TMEM117: variants seen among roughly 807,000 people sequenced by gnomAD.
TMEM117 encodes the protein transmembrane protein 117.
In TMEM117, 27 loss-of-function variants were observed where a neutral mutation model predicts 52.4. That is an observed-to-expected ratio of 0.51 (90% CI 0.38 to 0.71). The LOEUF (loss-of-function observed/expected upper bound fraction) is 0.71, where lower values mean the gene tolerates loss of function less well. Among genes scored for constraint, TMEM117 ranks in the 30% least tolerant of loss-of-function variants. TMEM117 has a pLI of 0.00. For synonymous variants in TMEM117, 215 were observed against 206.3 expected, an observed-to-expected ratio of 1.04 and a Z score of -0.36; for missense variants, 556 against 630.5, an observed-to-expected ratio of 0.88 and a Z score of 1.26.
chr12:43,844,612 T>A lies in TMEM117; in HGVS notation c.-28-12T>A. 1 of 1,589,302 alleles carries A rather than the reference T, an allele frequency of 6.3e-7. No individual in the cohort carries two copies. The highest frequency in any genetic ancestry group is 8.5e-7 in the Non-Finnish European group (1 of 1,169,860). On this transcript the variant is annotated splice_polypyrimidine_tract_variant and intron_variant, in intron 1 of 7. Transcript: ENST00000266534. ...TTTCCTCCTCTAACCCTATCTATCT[T>A]TTCTTATACAGGTAAACTACGAACT... is the stretch of plus-strand genomic sequence containing the variant.
intron 6 of TMEM117, among the ~76,000 whole-genome samples, chr12:44,327,582 C>A (rs888038161): frequency 1.3e-5 from 2 of 152,044 alleles, no homozygotes; most frequent in African/African-American, 4.8e-5. Context: ...AGTTAACCAC[C>A]GAACATCTTG....
intron 4 of TMEM117, among the ~76,000 whole-genome samples, chr12:44,168,635 G>T (rs1248371363): frequency 6.6e-6 from 1 of 151,940 alleles, no homozygotes; most frequent in Admixed American, 6.6e-5. Context: ...ATTTTTTCAT[G>T]TTATTTTCTT....
chr12:44,152,287 T>A (rs1166364954), intron 4 of TMEM117, among the ~76,000 whole-genome samples: 1 of 111,274 alleles, frequency 9.0e-6, no homozygotes, highest in Admixed American at 1.2e-4. Flanking sequence ...TTATATATAA[T>A]TATATTTATA....
intron 3 of TMEM117, among the ~76,000 whole-genome samples, chr12:44,030,038 A>T (rs1338329267): frequency 5.3e-5 from 8 of 152,182 alleles, no homozygotes; most frequent in Non-Finnish European, 1.2e-4. Context: ...TGTGTGTGTG[A>T]TATAAAAGAG....
chr12:43,853,422 C>T (rs1254501766), intron 2 of TMEM117, among the ~76,000 whole-genome samples: 1 of 152,078 alleles, frequency 6.6e-6, no homozygotes, highest in Admixed American at 6.6e-5. Context: ...ATTACAGGCA[C>T]CTGCCACCAT....
intron 4 of TMEM117, among the ~76,000 whole-genome samples, chr12:44,204,749 T>A (rs371405195): frequency 3.3e-5 from 5 of 151,920 alleles, no homozygotes; most frequent in East Asian, 3.9e-4. Context: ...AATAAAACCA[T>A]ACACCTACAA....
intron 4 of TMEM117, among the ~76,000 whole-genome samples, chr12:44,162,617 A>G (rs1403242106): frequency 6.6e-6 from 1 of 152,114 alleles, no homozygotes; most frequent in Admixed American, 6.6e-5. Context: ...TTCCTTCCAG[A>G]TGTATCTGTT....
At chr12:43,971,020 C>G (rs535166003) in intron 3 of TMEM117, among the ~76,000 whole-genome samples, 1 of 152,146 alleles carries the variant, frequency 6.6e-6, no homozygotes, top group Non-Finnish European at 1.5e-5. Flanking sequence ...CCTTGCCACC[C>G]TCTCTGTTCC....
intron 4 of TMEM117, among the ~76,000 whole-genome samples, chr12:44,152,339 T>C (rs111219710): frequency 9.0e-6 from 1 of 111,390 alleles, no homozygotes; most frequent in South Asian, 2.9e-4. Flanking sequence ...ATATATTATA[T>C]ATAAATTTAT....
At chr12:44,392,508 G>T (rs1018274691), downstream of TMEM117, among the ~76,000 whole-genome samples, 2 of 152,010 alleles carry the variant, frequency 1.3e-5, no homozygotes, top group East Asian at 3.9e-4. Context: ...TAGTTGTTTT[G>T]CTGGTTAGCT....
intron 6 of TMEM117, among the ~76,000 whole-genome samples, chr12:44,327,790 A>G (rs922029815): frequency 6.6e-6 from 1 of 152,120 alleles, no homozygotes; most frequent in African/African-American, 2.4e-5. Flanking sequence ...TTCAGATATA[A>G]GTGTGCTGTG....
intron 4 of TMEM117, among the ~76,000 whole-genome samples, chr12:44,210,195 G>A (rs1002695917): frequency 6.6e-6 from 1 of 152,080 alleles, no homozygotes; most frequent in African/African-American, 2.4e-5. Flanking sequence ...AAAATCATAA[G>A]TAATGGAATG....
intron 3 of TMEM117, chr12:44,008,924 G>A (rs779223979): frequency 2.8e-5 from 11 of 390,044 alleles, no homozygotes; most frequent in East Asian, 7.6e-5. Flanking sequence ...CATGTAGTGC[G>A]TATTAAGATC....
intron 3 of TMEM117, among the ~76,000 whole-genome samples, chr12:44,063,063 A>G (rs529074466): frequency 6.6e-6 from 1 of 152,340 alleles, no homozygotes; most frequent in African/African-American, 2.4e-5. Context: ...TCAGTTGAAC[A>G]GTCTGAACAT....
Position 44,071,273 on chromosome 12 carries a change from C to G in TMEM117, c.411-72252C>G, listed in dbSNP as rs151060130. Among the ~76,000 whole-genome samples, 1,168 of 152,224 alleles carry G rather than the reference C, an allele frequency of 7.7e-3. 9 individuals are homozygous for G. The highest frequency in any genetic ancestry group is 0.027 in the African/African-American group (1,111 of 41,538). Reference sequence around the variant, plus strand: ...GTGGATGCAGCTGGGAGACACTGCTCTTCAGATCCATCTTATGTCCAGGTG... The same window carrying G: ...GTGGATGCAGCTGGGAGACACTGCTGTTCAGATCCATCTTATGTCCAGGTG... On this transcript the variant is annotated intron_variant, in intron 3 of 7. Coordinates refer to ENST00000266534, the MANE Select transcript of TMEM117 (RefSeq NM_032256.3).
intron 3 of TMEM117, among the ~76,000 whole-genome samples, chr12:44,133,776 C>T (rs1185282857): frequency 6.6e-6 from 1 of 152,106 alleles, no homozygotes; most frequent in Non-Finnish European, 1.5e-5. Flanking sequence ...TGGCCAAGCA[C>T]AAATGGGGAA....
chr12:44,200,052 G>A (rs1949474011), intron 4 of TMEM117, among the ~76,000 whole-genome samples: 1 of 152,168 alleles, frequency 6.6e-6, no homozygotes, highest in African/African-American at 2.4e-5. Context: ...CCTGGAGATG[G>A]AGGTTGCAGT....
chr12:43,811,143 C>T, the TMEM117 span, among the ~76,000 whole-genome samples: 1 of 152,212 alleles, frequency 6.6e-6, no homozygotes, highest in Non-Finnish European at 1.5e-5. Flanking sequence ...CACATTTCTA[C>T]TTCCTTTGCA....
At chr12:44,168,680 A>G (rs1949003294) in intron 4 of TMEM117, among the ~76,000 whole-genome samples, 1 of 152,192 alleles carries the variant, frequency 6.6e-6, no homozygotes, top group Non-Finnish European at 1.5e-5. Context: ...TTTTGAGCTA[A>G]AATATATTTT....
Sources: gnomAD v4.1 joint callset for allele counts (sites outside exome capture counted in the v4.1 genomes callset) on GRCh38, gnomAD v4.1.1 for gene constraint, MANE v1.5 for transcripts, NCBI Gene and HGNC (gene_info 2026-07-23, HGNC 2026-07-21) for gene names.